Variants in SHISA9 observed in about 807,000 individuals in gnomAD.
SHISA9 encodes protein shisa-9.
Under a neutral mutation model 38.0 loss-of-function variants are expected in SHISA9, and 13 were observed. The ratio of observed to expected loss-of-function variants is 0.34; its 90% CI spans 0.22 to 0.54. The LOEUF is 0.54. Ranked by LOEUF, SHISA9 falls within the 20% of genes least tolerant of loss-of-function variation. SHISA9 has a pLI of 0.91. For missense variants in SHISA9, 538 were observed against 575.8 expected (o/e 0.93, Z 0.67); for synonymous variants, 275 against 242.0 (o/e 1.14, Z -1.27).
chr16:13,152,549 G>C (rs1009651570), intron 2 of SHISA9, among the ~76,000 whole-genome samples: 1 of 152,184 alleles, frequency 6.6e-6, no homozygotes, highest in Non-Finnish European at 1.5e-5. Flanking sequence ...AGCATATCCT[G>C]TCACTGAAAT....
chr16:12,976,116 C>A (rs561072080), intron 2 of SHISA9, among the ~76,000 whole-genome samples: 2 of 152,074 alleles, frequency 1.3e-5, no homozygotes, highest in African/African-American at 4.8e-5. Context: ...GAGACAGAGT[C>A]TTGCTTTGTC....
intron 2 of SHISA9, among the ~76,000 whole-genome samples, chr16:12,954,450 G>T (rs1400510117): frequency 2.6e-5 from 4 of 152,182 alleles, no homozygotes; most frequent in Admixed American, 6.5e-5. Flanking sequence ...GGAATCATGT[G>T]CATGTGGTTG....
chr16:13,394,325 TG>T, the SHISA9 span, among the ~76,000 whole-genome samples: 1 of 152,196 alleles, frequency 6.6e-6, no homozygotes, highest in Non-Finnish European at 1.5e-5. Context: ...CCAGTGAGTT[TG>T]AGAGGTCTTT....
intron 2 of SHISA9, among the ~76,000 whole-genome samples, chr16:13,199,828 C>T (rs921276468): frequency 6.6e-6 from 1 of 152,112 alleles, no homozygotes; most frequent in Non-Finnish European, 1.5e-5. Flanking sequence ...CTTCCATGGC[C>T]AGGGGTCTGA....
chr16:13,285,462 G>GTTTTTTTTTGT, the SHISA9 span, among the ~76,000 whole-genome samples: 1 of 95,784 alleles, frequency 1.0e-5, no homozygotes, highest in African/African-American at 4.2e-5. Flanking sequence ...TTCAGGTGTA[G>GTTTTTTTTTGT]TTTTTTTTTT....
chr16:13,076,028 G>A (rs1014696616), intron 2 of SHISA9, among the ~76,000 whole-genome samples: 2 of 147,502 alleles, frequency 1.4e-5, no homozygotes, highest in Non-Finnish European at 3.0e-5. Flanking sequence ...TTGAGAAATA[G>A]ATTTTTTTTT....
At chr16:13,551,072 C>T in the SHISA9 span, among the ~76,000 whole-genome samples, 10 of 150,910 alleles carry the variant, frequency 6.6e-5, no homozygotes, top group East Asian at 5.9e-4. Flanking sequence ...TGCAGTGAGC[C>T]GAGATCACGC....
chr16:13,441,062 T>A, the SHISA9 span, among the ~76,000 whole-genome samples: 3 of 152,012 alleles, frequency 2.0e-5, no homozygotes, highest in East Asian at 5.8e-4. Context: ...AGGACAGAGA[T>A]AGCAGAGAAG....
the SHISA9 span, among the ~76,000 whole-genome samples, chr16:13,321,662 C>T: frequency 6.6e-6 from 1 of 152,064 alleles, no homozygotes; most frequent in Non-Finnish European, 1.5e-5. Context: ...TACATGTTTC[C>T]TTTTTCCTTG....
intron 2 of SHISA9, among the ~76,000 whole-genome samples, chr16:13,189,971 A>G (rs1186084134): frequency 1.3e-5 from 2 of 152,156 alleles, no homozygotes; most frequent in African/African-American, 4.8e-5. Context: ...GCAGAAACTA[A>G]ACAGCCATAG....
chr16:13,069,843 T>C (rs1329900783), intron 2 of SHISA9, among the ~76,000 whole-genome samples: 8 of 152,150 alleles, frequency 5.3e-5, no homozygotes, highest in Non-Finnish European at 2.9e-5. Flanking sequence ...GAGAGATCCC[T>C]TGGCCCTTCT....
At chr16:12,970,418 CACAT>C (rs2072054385) in intron 2 of SHISA9, among the ~76,000 whole-genome samples, 5 of 9,586 alleles carry the variant, frequency 5.2e-4, no homozygotes, top group Non-Finnish European at 6.5e-4. Flanking sequence ...TATATATATA[CACAT>C]ATATGTATAT....
At chr16:13,011,254 G>T (rs535906859) in intron 2 of SHISA9, among the ~76,000 whole-genome samples, 1 of 150,790 alleles carries the variant, frequency 6.6e-6, no homozygotes, top group African/African-American at 2.4e-5. Context: ...TGAGATGCGT[G>T]TAGATAGTAA....
At chr16:12,913,372 T>C (rs2071211922) in intron 1 of SHISA9, among the ~76,000 whole-genome samples, 1 of 152,126 alleles carries the variant, frequency 6.6e-6, no homozygotes, top group Non-Finnish European at 1.5e-5. Context: ...AATTATTGTA[T>C]TTTTAGTAGA....
chr16:13,468,666 GT>G, the SHISA9 span, among the ~76,000 whole-genome samples: 1 of 151,948 alleles, frequency 6.6e-6, no homozygotes, highest in South Asian at 2.1e-4. Flanking sequence ...CTGTAGACTG[GT>G]CCTCAAAGAA....
chr16:13,080,531 G>A lies in SHISA9; in HGVS notation c.692-122863G>A, dbSNP rs538860790. On this transcript the variant is annotated intron_variant, in intron 2 of 4. Transcript: ENST00000558583. ...TCATGGGTAAGGGAGAATGAGACTT[G>A]ATAATTTCTAGCTTCACCAAGACCA... Among the ~76,000 whole-genome samples the A allele has an allele frequency of 1.1e-3, 161 of 152,280 alleles. 1 individual carries two copies. The highest frequency in any genetic ancestry group is 3.7e-3 in the African/African-American group (155 of 41,556).
At chr16:12,912,780 T>G (rs1295924374) in intron 1 of SHISA9, among the ~76,000 whole-genome samples, 1 of 152,210 alleles carries the variant, frequency 6.6e-6, no homozygotes, top group Non-Finnish European at 1.5e-5. Flanking sequence ...TGGGCAGTAT[T>G]TCACTCTGTG....
At chr16:13,449,511 A>G in the SHISA9 span, among the ~76,000 whole-genome samples, 1 of 152,192 alleles carries the variant, frequency 6.6e-6, no homozygotes, top group Non-Finnish European at 1.5e-5. Context: ...GGAATACTCT[A>G]TATCTTGATT....
chr16:13,472,539 C>G, the SHISA9 span, among the ~76,000 whole-genome samples: 3 of 151,446 alleles, frequency 2.0e-5, no homozygotes, highest in Admixed American at 1.3e-4. Context: ...CTACAGGCAC[C>G]CGCCACCAAG....
Sources: allele counts gnomAD v4.1 joint callset (sites outside exome capture counted in the v4.1 genomes callset), GRCh38; gene constraint gnomAD v4.1.1; transcripts MANE v1.5; gene names NCBI Gene and HGNC (gene_info 2026-07-23, HGNC 2026-07-21).